COL14A1: variants seen among roughly 807,000 people sequenced by gnomAD.
COL14A1 encodes collagen type XIV alpha 1 chain.
In COL14A1, 136 loss-of-function variants were observed where a neutral mutation model predicts 230.3. The ratio of observed to expected loss-of-function variants is 0.59; its 90% CI spans 0.51 to 0.68. The LOEUF (loss-of-function observed/expected upper bound fraction) is 0.68. Among genes scored for constraint, COL14A1 ranks in the 30% least tolerant of loss-of-function variants. The probability of loss-of-function intolerance (pLI) is 0.00; values close to 1 mark genes in which losing one functional copy is unlikely to be tolerated. For missense variants in COL14A1, 1,976 were observed against 2,215.8 expected, an observed-to-expected ratio of 0.89 and a Z score of 2.17; for synonymous variants, 792 against 784.1, an observed-to-expected ratio of 1.01 and a Z score of -0.17.
At chr8:120,353,771 G>A (rs1822863874) in intron 45 of COL14A1, among the ~76,000 whole-genome samples, 1 of 151,640 alleles carries the variant, frequency 6.6e-6, no homozygotes, top group African/African-American at 2.4e-5. Context: ...GGAGAAATAG[G>A]AACACTTTTA....
At chr8:120,232,044 T>G (rs1818288828) in intron 19 of COL14A1, 1 of 155,232 alleles carries the variant, frequency 6.4e-6, no homozygotes, top group Non-Finnish European at 1.4e-5. Context: ...GAAAAGGTCT[T>G]CTATATGGTA....
At position 120,331,847 on chromosome 8, in the gene COL14A1, T is replaced by C. The variant is rs2168406; in HGVS notation, c.4660-294T>C. On this transcript the variant is annotated intron_variant, in intron 40 of 47. Transcript: ENST00000297848. ...TTAATGACCAATAATGGATCCTCTTTCCATTTGTTAGGCTTAGTTTAGTAA... is the reference window on the plus strand; with the variant it reads ...TTAATGACCAATAATGGATCCTCTTCCCATTTGTTAGGCTTAGTTTAGTAA... Among the ~76,000 whole-genome samples, 81,439 of 152,138 alleles carry C rather than the reference T, an allele frequency of 0.54. 23,369 individuals carry two copies. Among genetic ancestry groups the C allele is most frequent in the African/African-American group, 0.76 (31,760 of 41,520 alleles).
intron 36 of COL14A1, 120 bp from the exon 37 acceptor site, chr8:120,309,887 TAC>T (rs1313371455): frequency 1.2e-6 from 1 of 859,834 alleles, no homozygotes; most frequent in East Asian, 2.5e-5. Flanking sequence ...TGTATACTAT[TAC>T]ACAGTGTGTT....
intron 22 of COL14A1, among the ~76,000 whole-genome samples, chr8:120,253,609 A>G (rs1212866738): frequency 6.6e-6 from 1 of 152,192 alleles, no homozygotes; most frequent in Non-Finnish European, 1.5e-5. Flanking sequence ...GGTTACATAA[A>G]TCATTAACAT....
At chr8:120,290,907 A>G (rs926423316) in intron 34 of COL14A1, among the ~76,000 whole-genome samples, 7 of 152,228 alleles carry the variant, frequency 4.6e-5, no homozygotes, top group African/African-American at 1.4e-4. Flanking sequence ...GATGCTAAGT[A>G]GTTTAACACT....
chr8:120,359,160 C>T (rs186390402), intron 45 of COL14A1, among the ~76,000 whole-genome samples: 3 of 151,788 alleles, frequency 2.0e-5, no homozygotes, highest in Non-Finnish European at 4.4e-5. Flanking sequence ...CTGCACCTAT[C>T]GACCCGTCAT....
intron 42 of COL14A1, 28 bp from the exon 43 acceptor site, chr8:120,341,297 G>A: frequency 6.2e-7 from 1 of 1,612,956 alleles, no homozygotes; most frequent in Non-Finnish European, 8.5e-7. Context: ...AATATCATAA[G>A]TAACTTGACA....
Position 120,243,150 on chromosome 8 carries a change from AT to A in COL14A1, c.2350-727del, listed in dbSNP as rs528035753. ...ACATGTGGCTTTTCTGGTCCAGACG[AT>A]TCTTTTCGAGGTGGCAGAGTTCACA... On this transcript the variant is annotated intron_variant, in intron 19 of 47. Coordinates refer to ENST00000297848, the MANE Select transcript of COL14A1 (RefSeq NM_021110.4). Among the ~76,000 whole-genome samples the A allele has an allele frequency of 2.7e-3, 411 of 152,256 alleles. 1 individual carries two copies. The highest frequency in any genetic ancestry group is 3.9e-3 in the South Asian group (19 of 4,824).
intron 5 of COL14A1, among the ~76,000 whole-genome samples, chr8:120,184,224 G>GATTGATTTATTT (rs1554603425): frequency 1.5e-5 from 2 of 135,574 alleles, no homozygotes; most frequent in African/African-American, 5.6e-5. Context: ...GGGGGGAAGA[G>GATTGATTTATTT]ATTTATTTAT....
At chr8:120,275,896 T>C (rs868597047) in intron 26 of COL14A1, among the ~76,000 whole-genome samples, 3 of 152,122 alleles carry the variant, frequency 2.0e-5, no homozygotes, top group Non-Finnish European at 2.9e-5. Context: ...TGTAATTTAG[T>C]ATAACCTCTA....
At chr8:120,205,460 A>T (rs968820072) in intron 9 of COL14A1, among the ~76,000 whole-genome samples, 3 of 152,176 alleles carry the variant, frequency 2.0e-5, no homozygotes, top group African/African-American at 7.2e-5. Flanking sequence ...CACTTACTTT[A>T]TTTGGAGAGA....
chr8:120,222,037 T>G (rs1054785947), intron 14 of COL14A1, among the ~76,000 whole-genome samples: 3 of 152,228 alleles, frequency 2.0e-5, no homozygotes, highest in African/African-American at 4.8e-5. Flanking sequence ...AAGCCATACT[T>G]TAAATAGTGT....
intron 1 of COL14A1, among the ~76,000 whole-genome samples, chr8:120,143,710 C>T (rs1369196070): frequency 6.6e-6 from 1 of 152,040 alleles, no homozygotes; most frequent in East Asian, 1.9e-4. Flanking sequence ...TCAAGGGGGT[C>T]AGAGTCTCCA....
intron 45 of COL14A1, among the ~76,000 whole-genome samples, chr8:120,360,067 G>A (rs1476007310): frequency 6.6e-6 from 1 of 152,160 alleles, no homozygotes; most frequent in Non-Finnish European, 1.5e-5. Context: ...CCTTTGCCTT[G>A]ATCTTGCTCT....
intron 5 of COL14A1, among the ~76,000 whole-genome samples, chr8:120,183,210 T>C (rs1359164050): frequency 1.3e-5 from 2 of 152,180 alleles, no homozygotes; most frequent in Admixed American, 6.5e-5. Context: ...AGAAGACTAA[T>C]TGTATTGGGA....
chr8:120,128,246 T>C (rs1341893871), intron 1 of COL14A1, among the ~76,000 whole-genome samples: 14 of 151,074 alleles, frequency 9.3e-5, no homozygotes, highest in South Asian at 4.2e-4. Flanking sequence ...TGTGTGTGTG[T>C]GTGTGTGTGT....
chr8:120,223,422 C>T lies in COL14A1; in HGVS notation c.1738-1666C>T, dbSNP rs534648805. ...CAGTGGCTCACGCTTGTAATCCCAG[C>T]ACTTTGGGAGGCCGAGGTGGGTGGA... On this transcript the variant is annotated intron_variant, in intron 14 of 47. Transcript: ENST00000297848. Among the ~76,000 whole-genome samples the T allele has an allele frequency of 1.0e-3, 159 of 152,246 alleles. 1 individual carries two copies. The highest frequency in any genetic ancestry group is 3.6e-3 in the African/African-American group (149 of 41,534).
chr8:120,280,885 A>G (rs1229517677), intron 30 of COL14A1, 36 bp from the exon 31 acceptor site: 11 of 1,517,574 alleles, frequency 7.2e-6, no homozygotes, highest in Middle Eastern at 1.9e-4. Context: ...CATATTCCTT[A>G]TGTTTATTCT....
At chr8:120,169,111 C>A (rs547134391) in intron 5 of COL14A1, among the ~76,000 whole-genome samples, 1 of 152,312 alleles carries the variant, frequency 6.6e-6, no homozygotes, top group Non-Finnish European at 1.5e-5. Flanking sequence ...CTTCCTCTAC[C>A]TCCCAAGGTG....
Sources: allele counts gnomAD v4.1 joint callset (sites outside exome capture counted in the v4.1 genomes callset), GRCh38; gene constraint gnomAD v4.1.1; transcripts MANE v1.5; gene names NCBI Gene and HGNC (gene_info 2026-07-23, HGNC 2026-07-21).